Variants in SETD5 observed in about 807,000 individuals in gnomAD.
SETD5 encodes histone-lysine N-methyltransferase SETD5.
SETD5 carries 44 observed loss-of-function variants against 153.3 expected under a neutral mutation model. The ratio of observed to expected loss-of-function variants is 0.29; its 90% CI spans 0.23 to 0.37. The LOEUF (loss-of-function observed/expected upper bound fraction) is 0.37, where lower values mean the gene tolerates loss of function less well. SETD5 is among the 10% of genes least tolerant of loss of function. The pLI, the probability that SETD5 is intolerant of heterozygous loss-of-function variation, is 1.00. For synonymous variants in SETD5, 716 were observed against 645.2 expected (o/e 1.11, Z -1.66); for missense variants, 1,544 against 1,768.0 (o/e 0.87, Z 2.27).
chr3:9,406,746 A>G (rs551670918), intron 1 of SETD5, among the ~76,000 whole-genome samples: 61 of 152,318 alleles, frequency 4.0e-4, no homozygotes, highest in African/African-American at 1.4e-3. Context: ...GTAATTTAGT[A>G]ATAGAACAAA....
chr3:9,452,017 TTA>T (rs761969633), intron 16 of SETD5, among the ~76,000 whole-genome samples: 1 of 152,238 alleles, frequency 6.6e-6, no homozygotes, highest in Admixed American at 6.5e-5. Flanking sequence ...TGTTCCTTTT[TTA>T]TATGAGTCCT....
chr3:9,437,864 G>C (rs772036826), intron 7 of SETD5, among the ~76,000 whole-genome samples: 1 of 151,926 alleles, frequency 6.6e-6, no homozygotes, highest in East Asian at 1.9e-4. Context: ...TTAGCCAGGC[G>C]TGGTGGCAGG....
chr3:9,408,150 T>G (rs1414807724), intron 1 of SETD5, among the ~76,000 whole-genome samples: 3 of 152,220 alleles, frequency 2.0e-5, no homozygotes, highest in Admixed American at 1.3e-4. Context: ...ATTATACGCT[T>G]ACCATAATTG....
At chr3:9,461,111 G>A (rs1481451190) in intron 17 of SETD5, among the ~76,000 whole-genome samples, 3 of 152,112 alleles carry the variant, frequency 2.0e-5, no homozygotes, top group Admixed American at 6.6e-5. Context: ...TGAAGAAAAA[G>A]ACCCCAACAC....
At position 9,447,656 on chromosome 3, in the gene SETD5, G is replaced by A. The variant is rs200418836; in HGVS notation, c.1783-30G>A. 68,967 of 1,595,956 alleles carry A rather than the reference G, an allele frequency of 0.043. 2,576 individuals carry two copies. Among genetic ancestry groups the A allele is most frequent in the Admixed American group, 0.15 (8,967 of 57,998 alleles). ...GACTGTTTGCTGATAAAACATTTCT[G>A]GTAAGCATCTGACCCTACTATTGCT... On this transcript the variant is annotated intron_variant, in intron 14 of 22. Coordinates refer to ENST00000402198, the MANE Select transcript of SETD5 (RefSeq NM_001080517.3).
At chr3:9,412,392 T>C (rs920746950) in intron 1 of SETD5, among the ~76,000 whole-genome samples, 1 of 135,270 alleles carries the variant, frequency 7.4e-6, no homozygotes, top group Non-Finnish European at 1.6e-5. Flanking sequence ...TTTGGGTTTT[T>C]TTTTTTTTTT....
intron 7 of SETD5, among the ~76,000 whole-genome samples, chr3:9,437,522 C>CGTGTGTGTGTGTGTGT (rs6147703): frequency 0.018 from 2,612 of 145,100 alleles, 75 homozygotes; most frequent in African/African-American, 0.05. Flanking sequence ...TCCTCCTTTA[C>CGTGTGTGTGTGTGTGT]GTGTGTGTGT....
At chr3:9,464,926 T>A (rs2044379219) in intron 18 of SETD5, 1 of 523,188 alleles carries the variant, frequency 1.9e-6, no homozygotes, top group African/African-American at 1.9e-5. Context: ...AGTCCATCAA[T>A]CTCCATAAGT....
rs569046604 is a variant in SETD5 at position 9,431,044 on chromosome 3, C to T, written c.71+2035C>T. On this transcript the variant is annotated intron_variant, in intron 3 of 22. Transcript: ENST00000402198. ...TATTAATGTTTCATCATGCCTATTT[C>T]GCTGTTCTGGGCACTTTAAGATTAA... 44 of 985,366 alleles carry T rather than the reference C, an allele frequency of 4.5e-5. 1 individual carries two copies. The highest frequency in any genetic ancestry group is 3.8e-4 in the African/African-American group (22 of 57,352). 61.0% of individuals were successfully genotyped at this position (985,366 alleles called of 1,614,324 possible). A position where few individuals can be genotyped will look rare whatever the true frequency, so the allele number is the denominator to read the frequency against.
chr3:9,450,201 G>A (rs949332491), intron 16 of SETD5, among the ~76,000 whole-genome samples: 4 of 152,078 alleles, frequency 2.6e-5, no homozygotes, highest in African/African-American at 4.8e-5. Context: ...TGTATCTATA[G>A]CACATCCTTA....
chr3:9,437,285 T>G (rs2040685100), intron 7 of SETD5, among the ~76,000 whole-genome samples: 1 of 151,778 alleles, frequency 6.6e-6, no homozygotes, highest in East Asian at 2.0e-4. Context: ...AGGACGCTTG[T>G]ATTATTGATA....
At chr3:9,455,168 C>CTTTTTTTTTTTTT (rs903600741) in intron 17 of SETD5, among the ~76,000 whole-genome samples, 18 of 99,916 alleles carry the variant, frequency 1.8e-4, no homozygotes, top group South Asian at 3.4e-4. Context: ...TTCTTTTTTT[C>CTTTTTTTTTTTTT]TTTTTTTTTT....
chr3:9,466,358 A>G (rs2044584240), intron 18 of SETD5, among the ~76,000 whole-genome samples: 1 of 151,686 alleles, frequency 6.6e-6, no homozygotes, highest in Admixed American at 6.6e-5. Flanking sequence ...TTCAGTACTC[A>G]GTGTGTTCCT....
At chr3:9,430,823 C>A (rs992199021) in intron 3 of SETD5, 1 of 985,242 alleles carries the variant, frequency 1.0e-6, no homozygotes, top group Non-Finnish European at 1.2e-6. Flanking sequence ...AAAAATACTT[C>A]TGGTCTACAA....
In SETD5 at chr3:9,433,845, C is replaced by T; in HGVS notation, c.72C>T (p.Asp24=). ...TGCATTGCTTTTCGCCTTTGTGCAG[C>T]CCTGAATCTGTGGAGGCTAGTCCAG... is the stretch of plus-strand genomic sequence containing the variant. ...TSYSDMAAGS[D]PESVEASPAV... Residue 24 remains aspartate, a splice_region_variant and synonymous_variant, in exon 4 of 23, where the codon GAC becomes GAT. Transcript: ENST00000402198. The T allele has an allele frequency of 6.2e-7, 1 of 1,613,610 alleles. No individual in the cohort carries two copies. The highest frequency in any genetic ancestry group is 8.5e-7 in the Non-Finnish European group (1 of 1,179,658).
At chr3:9,460,280 AGAACT>A (rs2043799357) in intron 17 of SETD5, among the ~76,000 whole-genome samples, 1 of 151,988 alleles carries the variant, frequency 6.6e-6, no homozygotes, top group Admixed American at 6.5e-5. Context: ...AAAAAACTAA[AGAACT>A]CTGGAGAGTA....
At chr3:9,440,777 C>A in intron 8 of SETD5, 79 bp downstream of exon 8, 1 of 1,480,234 alleles carries the variant, frequency 6.8e-7, no homozygotes, top group Non-Finnish European at 9.0e-7. Context: ...ATTGGAATTA[C>A]TGTTCCTTCC....
intron 3 of SETD5, chr3:9,429,824 C>T: frequency 7.7e-7 from 1 of 1,302,702 alleles, no homozygotes; most frequent in African/African-American, 1.5e-5. Flanking sequence ...TCCTTGCTTA[C>T]AGAAAGGAAG....
At chr3:9,402,021 A>G (rs1206585716) in intron 1 of SETD5, among the ~76,000 whole-genome samples, 1 of 152,246 alleles carries the variant, frequency 6.6e-6, no homozygotes, top group Non-Finnish European at 1.5e-5. Flanking sequence ...CTTACTGCCA[A>G]AAATTCCAAA....
Sources: gnomAD v4.1 joint callset for allele counts (sites outside exome capture counted in the v4.1 genomes callset) on GRCh38, gnomAD v4.1.1 for gene constraint, MANE v1.5 for transcripts, NCBI Gene and HGNC (gene_info 2026-07-23, HGNC 2026-07-21) for gene names.